The following CSGALNACT1 variants were observed in gnomAD, a reference collection of about 807,000 sequenced individuals.
CSGALNACT1 encodes chondroitin sulfate N-acetylgalactosaminyltransferase 1.
In CSGALNACT1, 52 loss-of-function variants were observed where a neutral mutation model predicts 51.0. The observed-to-expected ratio is 1.02, with a 90% CI of 0.82 to 1.29. CSGALNACT1 has a LOEUF of 1.29. Among genes scored for constraint, CSGALNACT1 ranks in the 50% most tolerant of loss-of-function variants. The pLI, the probability that CSGALNACT1 is intolerant of heterozygous loss-of-function variation, is 0.00. For synonymous variants in CSGALNACT1, 341 were observed against 254.4 expected (o/e 1.34, Z -3.24); for missense variants, 935 against 679.2 (o/e 1.38, Z -4.19).
chr8:19,506,171 A>G (rs1189336841), intron 3 of CSGALNACT1, 41 bp from the exon 3 acceptor site: 1 of 509,646 alleles, frequency 2.0e-6, no homozygotes, highest in East Asian at 5.0e-5. Context: ...TAATCAAGAC[A>G]ACGACTCCCT....
intron 3 of CSGALNACT1, among the ~76,000 whole-genome samples, chr8:19,542,632 T>C (rs1205062128): frequency 2.0e-5 from 3 of 152,188 alleles, no homozygotes; most frequent in Admixed American, 2.0e-4. Context: ...TGTGTAGAGA[T>C]GCAAAACACA....
At chr8:19,603,031 G>T (rs2050775274), upstream of CSGALNACT1, among the ~76,000 whole-genome samples, 1 of 125,436 alleles carries the variant, frequency 8.0e-6, no homozygotes. Flanking sequence ...CATACAATTT[G>T]CTATTACTGT....
rs2065250963 is a variant in CSGALNACT1 at position 19,754,756 on chromosome 8, T to C, written c.-297+3094A>G. Among the ~76,000 whole-genome samples, 3 of 152,216 alleles carry C rather than the reference T, an allele frequency of 2.0e-5. No homozygotes were observed. In the South Asian group the frequency reaches 6.2e-4, roughly 32 times the overall value. On this transcript the variant is annotated intron_variant, in intron 1 of 1. Transcript: ENST00000517494. Reference sequence around the variant, plus strand: ...CAGGAAGTTAAATTTCTTTGCTACCTTAAAGGACAGGATAATGGTAATAAA... The same window carrying C: ...CAGGAAGTTAAATTTCTTTGCTACCCTAAAGGACAGGATAATGGTAATAAA...
intron 9 of CSGALNACT1, among the ~76,000 whole-genome samples, chr8:19,406,831 C>T (rs542559501): frequency 5.3e-5 from 8 of 152,172 alleles, no homozygotes; most frequent in African/African-American, 1.7e-4. Flanking sequence ...GCCTCAGCCT[C>T]CCAAGTAGCT....
intron 1 of CSGALNACT1, among the ~76,000 whole-genome samples, chr8:19,745,766 C>G (rs548077721): frequency 2.0e-5 from 3 of 152,178 alleles, no homozygotes; most frequent in Non-Finnish European, 4.4e-5. Flanking sequence ...CTGCTCACAG[C>G]ACAGAAAGTC....
chr8:19,642,447 G>C (rs975696274), intron 1 of CSGALNACT1, among the ~76,000 whole-genome samples: 2 of 152,034 alleles, frequency 1.3e-5, no homozygotes, highest in African/African-American at 4.8e-5. Flanking sequence ...AGCTATAAAA[G>C]ACATTAATAC....
intron 3 of CSGALNACT1, among the ~76,000 whole-genome samples, chr8:19,509,709 C>T (rs1441989232): frequency 4.6e-5 from 7 of 151,232 alleles, no homozygotes; most frequent in African/African-American, 1.7e-4. Context: ...ATAACTGGAC[C>T]AATACATACC....
chr8:19,553,290 A>C (rs892950174), intron 3 of CSGALNACT1, among the ~76,000 whole-genome samples: 2 of 152,138 alleles, frequency 1.3e-5, no homozygotes, highest in Non-Finnish European at 2.9e-5. Flanking sequence ...AAATTGAAAA[A>C]AACCTTCTGT....
chr8:19,689,478 C>T (rs918749063), intron 1 of CSGALNACT1, among the ~76,000 whole-genome samples: 6 of 152,312 alleles, frequency 3.9e-5, no homozygotes, highest in South Asian at 2.1e-4. Context: ...TGCCTATTTC[C>T]GAACTCAATA....
At chr8:19,419,198 T>C (rs555230537) in intron 7 of CSGALNACT1, among the ~76,000 whole-genome samples, 68 of 152,276 alleles carry the variant, frequency 4.5e-4, no homozygotes, top group African/African-American at 1.4e-3. Context: ...GTCTTAGAAG[T>C]GCAGCACCAA....
At chr8:19,534,179 T>A (rs2083313197) in intron 3 of CSGALNACT1, among the ~76,000 whole-genome samples, 1 of 152,192 alleles carries the variant, frequency 6.6e-6, no homozygotes, top group Non-Finnish European at 1.5e-5. Flanking sequence ...AGGCCGGGTG[T>A]GGTGGTTCAC....
At chr8:19,713,701 G>A (rs562594618) in intron 1 of CSGALNACT1, among the ~76,000 whole-genome samples, 1 of 152,296 alleles carries the variant, frequency 6.6e-6, no homozygotes, top group South Asian at 2.1e-4. Flanking sequence ...CTAGAAAGTG[G>A]CAAGGAAGGA....
At chr8:19,562,549 C>A (rs1415291558) in intron 3 of CSGALNACT1, among the ~76,000 whole-genome samples, 1 of 149,190 alleles carries the variant, frequency 6.7e-6, no homozygotes, top group Admixed American at 6.7e-5. Flanking sequence ...AATTCTGCAA[C>A]TTATCCATCT....
At chr8:19,605,614 A>G (rs2051263264), upstream of CSGALNACT1, among the ~76,000 whole-genome samples, 1 of 152,074 alleles carries the variant, frequency 6.6e-6, no homozygotes, top group Non-Finnish European at 1.5e-5. Flanking sequence ...TACAGTAAGA[A>G]CCGAGTAAGA....
At chr8:19,540,902 G>A (rs1032027272) in intron 3 of CSGALNACT1, among the ~76,000 whole-genome samples, 1 of 152,096 alleles carries the variant, frequency 6.6e-6, no homozygotes, top group African/African-American at 2.4e-5. Flanking sequence ...TAAATGCCCT[G>A]AGGTAGCACT....
rs75327595 is a variant in CSGALNACT1 at position 19,510,646 on chromosome 8, T to C, written c.-296-4516A>G. ...CAGACAAATACCATTAAAATAGATA[T>C]AAAGTGTTAATGTCATGTTCCCACC... On this transcript the variant is annotated intron_variant, in intron 3 of 9. Transcript: ENST00000454498. 3.0e-3 allele frequency among the ~76,000 whole-genome samples: 463 copies of C among 152,216 alleles called. 3 individuals carry two copies. Among genetic ancestry groups the C allele is most frequent in the African/African-American group, 0.011 (448 of 41,510 alleles).
chr8:19,432,625 T>C (rs2059806070), intron 6 of CSGALNACT1, among the ~76,000 whole-genome samples: 1 of 152,102 alleles, frequency 6.6e-6, no homozygotes. Flanking sequence ...TTTTTCTGTT[T>C]TTTTCTGAGA....
At chr8:19,746,466 T>G (rs569307898) in intron 1 of CSGALNACT1, among the ~76,000 whole-genome samples, 1 of 152,316 alleles carries the variant, frequency 6.6e-6, no homozygotes, top group South Asian at 2.1e-4. Context: ...GGTTCTATTC[T>G]CAACAACATC....
At chr8:19,488,212 T>C (rs1028111891) in intron 4 of CSGALNACT1, among the ~76,000 whole-genome samples, 1 of 151,700 alleles carries the variant, frequency 6.6e-6, no homozygotes, top group African/African-American at 2.4e-5. Context: ...TAGGCAGGTG[T>C]GGTGGTGTGC....
Sources: allele counts gnomAD v4.1 joint callset (sites outside exome capture counted in the v4.1 genomes callset), GRCh38; gene constraint gnomAD v4.1.1; transcripts MANE v1.5; gene names NCBI Gene and HGNC (gene_info 2026-07-23, HGNC 2026-07-21).